The following LY86 variants were observed in gnomAD, a reference collection of about 807,000 sequenced individuals.
LY86 encodes lymphocyte antigen 86.
LY86 carries 20 observed loss-of-function variants against 17.3 expected under a neutral mutation model. That is an observed-to-expected ratio of 1.15 (90% CI 0.81 to 1.68). The LOEUF (loss-of-function observed/expected upper bound fraction) is 1.68. Among genes scored for constraint, LY86 ranks in the 40% most tolerant of loss-of-function variants. LY86 has a pLI of 0.00. For synonymous variants in LY86, 74 were observed against 70.6 expected (o/e 1.05, Z -0.24); for missense variants, 200 against 191.9 (o/e 1.04, Z -0.25).
intron 1 of LY86, among the ~76,000 whole-genome samples, chr6:6,590,710 C>A (rs1323602147): frequency 2.0e-5 from 3 of 152,080 alleles, no homozygotes; most frequent in Admixed American, 6.5e-5. Context: ...GGCAAAATGC[C>A]GTTTGAACTA....
At chr6:6,605,288 T>C (rs1761072377) in intron 1 of LY86, among the ~76,000 whole-genome samples, 1 of 152,246 alleles carries the variant, frequency 6.6e-6, no homozygotes, top group African/African-American at 2.4e-5. Flanking sequence ...ACAGTTTTTT[T>C]CCTCTGGGGC....
At chr6:6,597,019 A>C (rs1033853371) in intron 1 of LY86, among the ~76,000 whole-genome samples, 1 of 152,080 alleles carries the variant, frequency 6.6e-6, no homozygotes, top group Non-Finnish European at 1.5e-5. Flanking sequence ...AGCTCCGCTC[A>C]TGTTTTGGGA....
intron 1 of LY86, among the ~76,000 whole-genome samples, chr6:6,595,694 T>A (rs1300466961): frequency 6.6e-6 from 1 of 152,170 alleles, no homozygotes; most frequent in Non-Finnish European, 1.5e-5. Flanking sequence ...TGTCTAGAAA[T>A]GACATCTTCC....
intron 3 of LY86, among the ~76,000 whole-genome samples, chr6:6,626,763 G>A (rs902884852): frequency 2.0e-5 from 3 of 151,624 alleles, no homozygotes; most frequent in African/African-American, 4.9e-5. Flanking sequence ...GTGCTCCCAG[G>A]TTTTCCCTCC....
chr6:6,611,750 TG>T (rs1416701255), intron 1 of LY86, among the ~76,000 whole-genome samples: 1 of 152,238 alleles, frequency 6.6e-6, no homozygotes. Context: ...AAATCACCTT[TG>T]TATCCCACAT....
intron 1 of LY86, among the ~76,000 whole-genome samples, chr6:6,608,031 C>T (rs1761236808): frequency 6.6e-6 from 1 of 152,154 alleles, no homozygotes. Context: ...TAAAGAAATA[C>T]ACCTAAAATA....
rs561396395 is a variant in LY86 at position 6,648,531 on chromosome 6, TA to T, written c.353-1091del. Among the ~76,000 whole-genome samples, 12 of 152,300 alleles carry T rather than the reference TA, an allele frequency of 7.9e-5. No homozygotes were observed. The South Asian group carries it at 2.3e-3, about 29-fold the overall frequency. The stretch of plus-strand genomic sequence containing the variant: ...CTGAGATGATCTTCCCCCAGCTATT[TA>T]AATGCTTGGCCCATTCTGCTCCTTC... On this transcript the variant is annotated intron_variant, in intron 3 of 4. Coordinates refer to ENST00000230568, the MANE Select transcript of LY86 (RefSeq NM_004271.4).
chr6:6,642,210 T>C (rs1762049806), intron 3 of LY86, among the ~76,000 whole-genome samples: 1 of 152,258 alleles, frequency 6.6e-6, no homozygotes, highest in Non-Finnish European at 1.5e-5. Flanking sequence ...CCTGACCCAG[T>C]AGGGCACAGC....
intron 3 of LY86, among the ~76,000 whole-genome samples, chr6:6,626,869 C>T (rs1076672): frequency 0.093 from 14,188 of 152,056 alleles, 759 homozygotes; most frequent in South Asian, 0.17. Flanking sequence ...ACCTTTCCCA[C>T]GTGGGTCATT....
intron 1 of LY86, among the ~76,000 whole-genome samples, chr6:6,589,170 G>A (rs1228209467): frequency 6.6e-6 from 1 of 152,194 alleles, no homozygotes; most frequent in Non-Finnish European, 1.5e-5. Context: ...AATGATCAGT[G>A]AGTCTACCAA....
At chr6:6,592,634 A>C (rs1361728277) in intron 1 of LY86, among the ~76,000 whole-genome samples, 6 of 152,212 alleles carry the variant, frequency 3.9e-5, no homozygotes, top group Non-Finnish European at 7.3e-5. Context: ...GCCTTTAGGA[A>C]GTGATTAGAT....
At chr6:6,603,161 G>C (rs1244360012) in intron 1 of LY86, among the ~76,000 whole-genome samples, 1 of 152,052 alleles carries the variant, frequency 6.6e-6, no homozygotes, top group Non-Finnish European at 1.5e-5. Flanking sequence ...CCATTCATGA[G>C]GGTGCTGCCC....
chr6:6,598,037 G>A (rs1411733626), intron 1 of LY86, among the ~76,000 whole-genome samples: 2 of 152,138 alleles, frequency 1.3e-5, no homozygotes, highest in Non-Finnish European at 2.9e-5. Context: ...TATTCAAAGG[G>A]CCTCTCTGTG....
At position 6,606,862 on chromosome 6, in the gene LY86, A is replaced by C. The variant is rs546752399; in HGVS notation, c.136+17992A>C. 9.2e-5 allele frequency among the ~76,000 whole-genome samples: 14 copies of C among 152,362 alleles called. No individual in the cohort carries two copies. In the South Asian group the frequency reaches 2.9e-3, roughly 32 times the overall value. ...GGGCTCCGGCCTTGGCCAGCCCAGA[A>C]AGGGGCTCCCACAGTGCAACGGCAG... is the stretch of plus-strand genomic sequence containing the variant. On this transcript the variant is annotated intron_variant, in intron 1 of 4. Transcript: ENST00000230568.
At chr6:6,612,701 C>T (rs534160311) in intron 1 of LY86, among the ~76,000 whole-genome samples, 23 of 152,040 alleles carry the variant, frequency 1.5e-4, no homozygotes, top group African/African-American at 5.3e-4. Flanking sequence ...GCTGATTGGT[C>T]GCGTTTACAA....
chr6:6,616,958 T>A (rs1761570365), intron 1 of LY86, among the ~76,000 whole-genome samples: 1 of 152,202 alleles, frequency 6.6e-6, no homozygotes, highest in African/African-American at 2.4e-5. Flanking sequence ...GTTCCCGCTG[T>A]CCCTAAGCCA....
chr6:6,602,822 T>C (rs924204954), intron 1 of LY86, among the ~76,000 whole-genome samples: 1 of 152,202 alleles, frequency 6.6e-6, no homozygotes, highest in African/African-American at 2.4e-5. Flanking sequence ...TAACTGTGTA[T>C]TGGACAAGCT....
intron 1 of LY86, among the ~76,000 whole-genome samples, chr6:6,599,951 A>G (rs1044663963): frequency 1.3e-5 from 2 of 150,798 alleles, no homozygotes; most frequent in African/African-American, 5.0e-5. Context: ...CCAAGACCAG[A>G]CCCTCTCCTG....
At chr6:6,638,761 A>C (rs2113154239) in intron 3 of LY86, among the ~76,000 whole-genome samples, 1 of 149,510 alleles carries the variant, frequency 6.7e-6, no homozygotes, top group East Asian at 2.0e-4. Flanking sequence ...GCACCCATTA[A>C]CTCGTCATTT....
Sources: gnomAD v4.1 joint callset for allele counts (sites outside exome capture counted in the v4.1 genomes callset) on GRCh38, gnomAD v4.1.1 for gene constraint, MANE v1.5 for transcripts, NCBI Gene and HGNC (gene_info 2026-07-23, HGNC 2026-07-21) for gene names.